TARBP1: variants seen among roughly 807,000 people sequenced by gnomAD.
TARBP1 encodes the protein tRNA guanosine 2 -O-methyltransferase TARBP1, also known as tRNA (guanosine(18)-2'-O)-methyltransferase TARBP1.
In TARBP1, 144 loss-of-function variants were observed where a neutral mutation model predicts 178.6. That is an observed-to-expected ratio of 0.81 (90% CI 0.70 to 0.93). TARBP1 has a LOEUF of 0.93. Among genes scored for constraint, TARBP1 ranks in the 40% least tolerant of loss-of-function variants. The pLI is 0.00. For missense variants in TARBP1, 2,067 were observed against 2,011.7 expected (o/e 1.03, Z -0.53); for synonymous variants, 787 against 781.0 (o/e 1.01, Z -0.13).
At chr1:234,403,545 T>C (rs1316975606) in intron 24 of TARBP1, among the ~76,000 whole-genome samples, 1 of 152,248 alleles carries the variant, frequency 6.6e-6, no homozygotes, top group Non-Finnish European at 1.5e-5. Flanking sequence ...TATTCCCATT[T>C]GACTGTGAGT....
chr1:234,404,720 C>T (rs3820605), intron 24 of TARBP1, among the ~76,000 whole-genome samples: 23,471 of 152,192 alleles, frequency 0.15, 2,054 homozygotes, highest in East Asian at 0.3. Flanking sequence ...AATCCATTCC[C>T]GCCTCTGCTC....
chr1:234,393,345 A>G lies in TARBP1; in HGVS notation c.4560+17T>C. The G allele has an allele frequency of 6.7e-7, 1 of 1,494,140 alleles. No individual in the cohort carries two copies. The highest frequency in any genetic ancestry group is 1.4e-5 in the African/African-American group (1 of 71,708). 92.6% of individuals were successfully genotyped at this position (1,494,140 alleles called of 1,614,324 possible). ...GCTTGTTTTAAGAACTTTAATAATAAATTACTTTCCACCCACCTCCACTAG... is the reference window on the plus strand; with the variant it reads ...GCTTGTTTTAAGAACTTTAATAATAGATTACTTTCCACCCACCTCCACTAG... On this transcript the variant is annotated intron_variant, in intron 28 of 29. Coordinates refer to ENST00000040877, the MANE Select transcript of TARBP1 (RefSeq NM_005646.4).
At chr1:234,432,135 CA>C (rs72281584) in intron 14 of TARBP1, among the ~76,000 whole-genome samples, 18,817 of 94,018 alleles carry the variant, frequency 0.2, 1,149 homozygotes, top group Middle Eastern at 0.34. Context: ...ACTCCGTCTC[CA>C]AAAAAAAAAA....
Position 234,471,867 on chromosome 1 carries a change from A to G in TARBP1, c.1030-610T>C, listed in dbSNP as rs187000768. Among the ~76,000 whole-genome samples the G allele has an allele frequency of 4.7e-3, 708 of 152,058 alleles. 2 individuals are homozygous for G. The highest frequency in any genetic ancestry group is 0.016 in the African/African-American group (680 of 41,316). On this transcript the variant is annotated intron_variant, in intron 2 of 29. Coordinates refer to ENST00000040877, the MANE Select transcript of TARBP1 (RefSeq NM_005646.4). ...GCATCTATATATATTTAGCACATAT[A>G]AGTAATTATTTAAGTCCACAAACAA...
intron 12 of TARBP1, among the ~76,000 whole-genome samples, chr1:234,444,113 T>C (rs1455026515): frequency 6.6e-6 from 1 of 152,190 alleles, no homozygotes. Context: ...ATGTAAATTT[T>C]ACTTTATGTA....
intron 9 of TARBP1, among the ~76,000 whole-genome samples, chr1:234,454,920 T>C (rs1667132746): frequency 6.6e-6 from 1 of 152,188 alleles, no homozygotes; most frequent in Non-Finnish European, 1.5e-5. Context: ...TAATCCTAAG[T>C]GTCCTCATAA....
At chr1:234,437,163 T>C (rs1292035624) in intron 13 of TARBP1, 112 bp downstream of exon 13, 1 of 549,414 alleles carries the variant, frequency 1.8e-6, no homozygotes, top group African/African-American at 2.0e-5. Context: ...TAAGACCGCT[T>C]CTTGAGAAAA....
rs1476880265 is a variant in TARBP1 at position 234,478,909 on chromosome 1, A to G, written c.195T>C (p.Ala65=). The change falls in exon 1 of 30, where the codon GCT becomes GCC. Residue 65 remains alanine (A), a synonymous_variant. Coordinates refer to ENST00000040877, the MANE Select transcript of TARBP1 (RefSeq NM_005646.4). ...GALPEAAREV[A]AGYLVPLLRS... ...GCAGCAGTGGCACGAGGTACCCTGC[A>G]GCCACCTCGCGCGCCGCCTCCGGGA... 3.5e-6 allele frequency: 5 copies of G among 1,422,188 alleles called. No individual in the cohort carries two copies. Among genetic ancestry groups the G allele is most frequent in the Admixed American group, 3.0e-5 (1 of 32,830 alleles). 88.1% of individuals were successfully genotyped at this position (1,422,188 alleles called of 1,614,324 possible). A position where few individuals can be genotyped will look rare whatever the true frequency, so the allele number is the denominator to read the frequency against.
In TARBP1 at chr1:234,393,318, G is replaced by C. The variant is rs760202108; in HGVS notation, c.4560+44C>G. ...ATTTTAGGTTCACGGGTACATGTGC[G>C]GGCTTGTTTTAAGAACTTTAATAAT... On this transcript the variant is annotated intron_variant, in intron 28 of 29. Transcript: ENST00000040877. 2.1e-6 allele frequency: 3 copies of C among 1,406,044 alleles called. No individual in the cohort carries two copies. In the Admixed American group the frequency reaches 7.2e-5, roughly 34 times the overall value. 87.1% of individuals were successfully genotyped at this position (1,406,044 alleles called of 1,614,324 possible). A position where few individuals can be genotyped will look rare whatever the true frequency, so the allele number is the denominator to read the frequency against.
At chr1:234,457,081 G>A (rs905595412) in intron 9 of TARBP1, among the ~76,000 whole-genome samples, 1 of 152,180 alleles carries the variant, frequency 6.6e-6, no homozygotes, top group Non-Finnish European at 1.5e-5. Context: ...CTGAGGAAAA[G>A]GGTGGCACAG....
intron 12 of TARBP1, among the ~76,000 whole-genome samples, chr1:234,445,565 T>C (rs926045840): frequency 6.6e-6 from 1 of 152,198 alleles, no homozygotes; most frequent in Non-Finnish European, 1.5e-5. Flanking sequence ...ACTCATCAAG[T>C]TGCATACATT....
intron 12 of TARBP1, among the ~76,000 whole-genome samples, chr1:234,442,543 A>C (rs186439161): frequency 1.2e-4 from 19 of 152,198 alleles, no homozygotes; most frequent in Non-Finnish European, 2.8e-4. Flanking sequence ...AAATGATTGG[A>C]AAGTAAAAGC....
At chr1:234,459,932 T>TA (rs1453185332) in intron 7 of TARBP1, among the ~76,000 whole-genome samples, 1 of 152,218 alleles carries the variant, frequency 6.6e-6, no homozygotes, top group Non-Finnish European at 1.5e-5. Context: ...TACTTTCTGT[T>TA]AAATATTATT....
At chr1:234,465,007 C>T (rs938261631) in intron 5 of TARBP1, among the ~76,000 whole-genome samples, 1 of 152,078 alleles carries the variant, frequency 6.6e-6, no homozygotes, top group Non-Finnish European at 1.5e-5. Context: ...CCTTGCAGTA[C>T]TGAACTAAAA....
intron 3 of TARBP1, 146 bp downstream of exon 3, chr1:234,471,042 C>CA: frequency 1.6e-6 from 1 of 634,660 alleles, no homozygotes; most frequent in Admixed American, 3.2e-5. Context: ...ACTGTTATCT[C>CA]TTGGTGGCAG....
intron 24 of TARBP1, among the ~76,000 whole-genome samples, chr1:234,402,526 C>T (rs1157044973): frequency 6.6e-6 from 1 of 151,968 alleles, no homozygotes; most frequent in Admixed American, 6.6e-5. Flanking sequence ...AAACCTACCA[C>T]TCTGATGTAA....
chr1:234,465,699 CAATAATAAACTAAAAAAAAAAAA>C lies in TARBP1; in HGVS notation c.1249-14_1257del. 2 of 1,491,348 alleles carry C rather than the reference CAATAATAAACTAAAAAAAAAAAA, an allele frequency of 1.3e-6. No individual in the cohort carries two copies. The highest frequency in any genetic ancestry group is 1.8e-6 in the Non-Finnish European group (2 of 1,118,074). The allele number at this position is 1,491,348 out of a possible 1,614,324, so 92.4% of individuals were successfully genotyped here. A position where few individuals can be genotyped will look rare whatever the true frequency, so the allele number is the denominator to read the frequency against. On this transcript the variant is annotated splice_acceptor_variant and splice_polypyrimidine_tract_variant and coding_sequence_variant and intron_variant, in exon 5 of 30. Coordinates refer to ENST00000040877, the MANE Select transcript of TARBP1 (RefSeq NM_005646.4). LOFTEE classifies it high-confidence loss of function. ...TCTGAAAGCGCATCCATTAATGGTC[CAATAATAAACTAAAAAAAAAAAA>C]AAAAAAAGACACGTAATTGAAACTT...
At chr1:234,448,625 T>C in intron 10 of TARBP1, 46 bp from the exon 11 acceptor site, 1 of 1,473,968 alleles carries the variant, frequency 6.8e-7, no homozygotes, top group Non-Finnish European at 9.4e-7. Context: ...ACAAAATCCT[T>C]CAAGGATGAT....
chr1:234,471,675 G>C (rs1422067719), intron 2 of TARBP1, among the ~76,000 whole-genome samples: 1 of 152,150 alleles, frequency 6.6e-6, no homozygotes, highest in Non-Finnish European at 1.5e-5. Context: ...ATACCACATA[G>C]CCAAAGTTGC....
Sources: gnomAD v4.1 joint callset for allele counts (sites outside exome capture counted in the v4.1 genomes callset) on GRCh38, gnomAD v4.1.1 for gene constraint, MANE v1.5 for transcripts, NCBI Gene and HGNC (gene_info 2026-07-23, HGNC 2026-07-21) for gene names.